The following LPCAT1 variants were observed in gnomAD, a reference collection of about 807,000 sequenced individuals.
LPCAT1 encodes the protein lysophosphatidylcholine acyltransferase 1, also known as 1-acylglycerol-3-phosphate O-acyltransferase.
A neutral mutation model predicts 60.9 loss-of-function variants in LPCAT1; 23 were observed. That is an observed-to-expected ratio of 0.38 (90% CI 0.27 to 0.53). The LOEUF (loss-of-function observed/expected upper bound fraction) is 0.53. LPCAT1 is among the 20% of genes least tolerant of loss of function. The pLI is 0.82. For missense variants in LPCAT1, 622 were observed against 723.6 expected, an observed-to-expected ratio of 0.86 and a Z score of 1.61; for synonymous variants, 340 against 301.1, an observed-to-expected ratio of 1.13 and a Z score of -1.34.
intron 1 of LPCAT1, among the ~76,000 whole-genome samples, chr5:1,517,266 C>T (rs182162695): frequency 6.6e-6 from 1 of 152,100 alleles, no homozygotes; most frequent in Non-Finnish European, 1.5e-5. Flanking sequence ...TGTCATGGGC[C>T]GCGTGGGGAT....
chr5:1,485,773 G>C (rs1001418855), intron 5 of LPCAT1, among the ~76,000 whole-genome samples: 1 of 150,274 alleles, frequency 6.7e-6, no homozygotes, highest in Non-Finnish European at 1.5e-5. Context: ...CAGGGAGGCC[G>C]GGGAGAGCCA....
intron 13 of LPCAT1, among the ~76,000 whole-genome samples, chr5:1,466,441 G>A (rs988304361): frequency 6.6e-6 from 1 of 152,170 alleles, no homozygotes; most frequent in African/African-American, 2.4e-5. Flanking sequence ...GGCTGGGTGC[G>A]GGTATCCCCC....
intron 6 of LPCAT1, among the ~76,000 whole-genome samples, chr5:1,482,290 G>A (rs970353646): frequency 2.0e-5 from 3 of 150,746 alleles, no homozygotes; most frequent in East Asian, 4.0e-4. Context: ...AGGCAAGGTC[G>A]CCTAAGTGGG....
intron 13 of LPCAT1, 31 bp from the exon 14 acceptor site, chr5:1,463,866 A>C (rs750400894): frequency 3.1e-6 from 5 of 1,607,846 alleles, no homozygotes; most frequent in Non-Finnish European, 4.3e-6. Context: ...GTGGTTATGG[A>C]ATGGGGACGA....
At chr5:1,515,206 G>A (rs1360551914) in intron 1 of LPCAT1, among the ~76,000 whole-genome samples, 1 of 140,608 alleles carries the variant, frequency 7.1e-6, no homozygotes, top group East Asian at 2.1e-4. Flanking sequence ...ACAAGAAAGA[G>A]TCCCCAGCCT....
intron 1 of LPCAT1, among the ~76,000 whole-genome samples, chr5:1,511,869 G>T (rs1282423934): frequency 3.3e-5 from 5 of 152,222 alleles, no homozygotes; most frequent in African/African-American, 4.8e-5. Context: ...GCACCCTCCT[G>T]CTTGCCACTC....
chr5:1,511,993 G>A (rs936847673), intron 1 of LPCAT1, among the ~76,000 whole-genome samples: 2 of 152,144 alleles, frequency 1.3e-5, no homozygotes, highest in Non-Finnish European at 2.9e-5. Flanking sequence ...CGGTCTCAGC[G>A]GGTGTCTGGA....
In LPCAT1 at chr5:1,463,561, T is replaced by C; in HGVS notation, c.*90A>G. 7.2e-7 allele frequency: 1 copy of C among 1,389,288 alleles called. No individual in the cohort carries two copies. Among genetic ancestry groups the C allele is most frequent in the Non-Finnish European group, 9.9e-7 (1 of 1,010,312 alleles). The allele number at this position is 1,389,288 out of a possible 1,614,324, so 86.1% of individuals were successfully genotyped here. On this transcript the variant is annotated 3_prime_UTR_variant, in exon 14 of 14. Transcript: ENST00000283415. ...GAAGACAGTGCCTGTACAGCAGGAG[T>C]GAGGAGCGGAGCCCAGAGGTCACTC...
At chr5:1,509,810 A>G (rs982464999) in intron 1 of LPCAT1, among the ~76,000 whole-genome samples, 10 of 152,214 alleles carry the variant, frequency 6.6e-5, no homozygotes, top group Admixed American at 1.3e-4. Flanking sequence ...AGGAAATGTG[A>G]AAAAGTGGCA....
chr5:1,518,026 A>T (rs530114500), intron 1 of LPCAT1, among the ~76,000 whole-genome samples: 1 of 152,262 alleles, frequency 6.6e-6, no homozygotes, highest in Non-Finnish European at 1.5e-5. Flanking sequence ...GACGGCTCAC[A>T]TGGACTAATG....
rs377589220 is a variant in LPCAT1 at position 1,523,039 on chromosome 5, C to A, written c.135+671G>T. Among the ~76,000 whole-genome samples, 1 of 152,226 alleles carries A rather than the reference C, an allele frequency of 6.6e-6. No homozygotes were observed. Among genetic ancestry groups the A allele is most frequent in the Admixed American group, 6.5e-5 (1 of 15,286 alleles). On this transcript the variant is annotated intron_variant, in intron 1 of 13. Coordinates refer to ENST00000283415, the MANE Select transcript of LPCAT1 (RefSeq NM_024830.5). This position sits in a 1 kb window ranked among gnomAD's most constrained non-coding sequence, Gnocchi z 7.1. ...AAAGTTGATTCGGGTCAGACCAGCC[C>A]CGAGAAAGCATCCCTTACAACAGGA...
intron 1 of LPCAT1, among the ~76,000 whole-genome samples, chr5:1,513,350 G>T (rs920958442): frequency 6.6e-6 from 1 of 152,210 alleles, no homozygotes; most frequent in Admixed American, 6.5e-5. Context: ...CTAGAGGAGA[G>T]ATTCCACAAT....
chr5:1,473,924 C>T (rs750606378), intron 11 of LPCAT1, 33 bp downstream of exon 11: 1 of 1,592,526 alleles, frequency 6.3e-7, no homozygotes, highest in Non-Finnish European at 8.6e-7. Context: ...GGAGGTTTTG[C>T]CGACACCCCG....
intron 1 of LPCAT1, 90 bp from the exon 2 acceptor site, chr5:1,501,693 C>T (rs1037518050): frequency 2.8e-5 from 37 of 1,338,364 alleles, no homozygotes; most frequent in Middle Eastern, 4.0e-4. Flanking sequence ...GGGGACAGCG[C>T]GCCCCACAGA....
intron 1 of LPCAT1, among the ~76,000 whole-genome samples, chr5:1,517,825 C>T (rs1276837481): frequency 2.0e-5 from 3 of 152,230 alleles, no homozygotes; most frequent in African/African-American, 4.8e-5. Flanking sequence ...TTGGAAAAGG[C>T]CGCTGTTCCC....
At chr5:1,492,151 G>A (rs1040946878) in intron 3 of LPCAT1, among the ~76,000 whole-genome samples, 4 of 152,158 alleles carry the variant, frequency 2.6e-5, no homozygotes, top group Admixed American at 1.3e-4. Context: ...CTGGGACCAC[G>A]GGAGATGTCT....
chr5:1,469,135 A>G lies in LPCAT1; in HGVS notation c.1278+1691T>C, dbSNP rs553349058. Among the ~76,000 whole-genome samples the G allele has an allele frequency of 9.8e-5, 15 of 152,326 alleles. No individual in the cohort carries two copies. In the East Asian group the frequency reaches 2.7e-3, roughly 27 times the overall value. On this transcript the variant is annotated intron_variant, in intron 12 of 13. Transcript: ENST00000283415. ...GACCCTGGTGTCGCCGTGGGGACGC[A>G]GCCATATCAGCGGCCTGGAAGCCTG...
rs189304684 is a variant in LPCAT1 at position 1,508,137 on chromosome 5, C to A, written c.136-6534G>T. On this transcript the variant is annotated intron_variant, in intron 1 of 13. Coordinates refer to ENST00000283415, the MANE Select transcript of LPCAT1 (RefSeq NM_024830.5). ...TGGTGAGAAGTCCGTGTCTGCTGTT[C>A]GGGAGGCACCTCGTCTGTGGTCCTT... Among the ~76,000 whole-genome samples the A allele has an allele frequency of 2.0e-5, 3 of 152,184 alleles. No homozygotes were observed. The South Asian group carries it at 6.2e-4, about 32-fold the overall frequency.
intron 1 of LPCAT1, among the ~76,000 whole-genome samples, chr5:1,506,415 C>T (rs941554325): frequency 2.6e-5 from 4 of 152,340 alleles, no homozygotes; most frequent in Middle Eastern, 3.4e-3. Flanking sequence ...TATGACCCCG[C>T]ACCTTCTGCC....
Sources: gnomAD v4.1 joint callset for allele counts (sites outside exome capture counted in the v4.1 genomes callset) on GRCh38, gnomAD v4.1.1 for gene constraint, Gnocchi (gnomAD v3.1) non-coding constraint, MANE v1.5 for transcripts, NCBI Gene and HGNC (gene_info 2026-07-23, HGNC 2026-07-21) for gene names.